SLC35F4: variants seen among roughly 807,000 people sequenced by gnomAD.
SLC35F4 encodes the protein solute carrier family 35 member F4, also known as chromosome 14 open reading frame 36.
A neutral mutation model predicts 44.2 loss-of-function variants in SLC35F4; 24 were observed. That is an observed-to-expected ratio of 0.54 (90% CI 0.39 to 0.76). The LOEUF (loss-of-function observed/expected upper bound fraction) is 0.76. SLC35F4 is among the 30% of genes least tolerant of loss of function. The pLI, the probability that SLC35F4 is intolerant of heterozygous loss-of-function variation, is 0.00. For synonymous variants in SLC35F4, 238 were observed against 223.6 expected, an observed-to-expected ratio of 1.06 and a Z score of -0.57; for missense variants, 562 against 586.1, an observed-to-expected ratio of 0.96 and a Z score of 0.42.
intron 1 of SLC35F4, among the ~76,000 whole-genome samples, chr14:57,876,178 A>C (rs565253979): frequency 6.6e-6 from 1 of 152,324 alleles, no homozygotes; most frequent in Admixed American, 6.5e-5. Flanking sequence ...TGGTACAATC[A>C]GACATAGAAC....
chr14:57,957,434 C>A (rs1224312200), intron 1 of SLC35F4, among the ~76,000 whole-genome samples: 19 of 148,152 alleles, frequency 1.3e-4, no homozygotes, highest in Admixed American at 2.0e-4. Context: ...ACTTAAAGTA[C>A]AAAAAAAAAA....
At chr14:57,960,485 A>G (rs966459374) in intron 1 of SLC35F4, among the ~76,000 whole-genome samples, 1 of 152,114 alleles carries the variant, frequency 6.6e-6, no homozygotes, top group African/African-American at 2.4e-5. Context: ...TATTCTGCTG[A>G]CCTCTACCTG....
intron 1 of SLC35F4, among the ~76,000 whole-genome samples, chr14:57,649,181 T>A (rs1425939053): frequency 6.6e-6 from 1 of 152,246 alleles, no homozygotes; most frequent in Non-Finnish European, 1.5e-5. Flanking sequence ...ACTCCCTTTA[T>A]TTGTGTGCTA....
At chr14:57,606,923 G>C (rs534985650) in intron 1 of SLC35F4, among the ~76,000 whole-genome samples, 2 of 152,318 alleles carry the variant, frequency 1.3e-5, no homozygotes, top group South Asian at 4.1e-4. Flanking sequence ...TAATTAATAA[G>C]TTATGGATGC....
intron 1 of SLC35F4, among the ~76,000 whole-genome samples, chr14:57,825,831 A>G (rs1389330971): frequency 6.6e-6 from 1 of 152,200 alleles, no homozygotes; most frequent in Non-Finnish European, 1.5e-5. Context: ...GACCTCTTCA[A>G]GGAGAACTAC....
chr14:57,689,886 T>TA (rs1369901433), intron 1 of SLC35F4, among the ~76,000 whole-genome samples: 1 of 151,882 alleles, frequency 6.6e-6, no homozygotes. Context: ...TAAAGTATAA[T>TA]AAAAAATAAA....
chr14:57,615,619 T>A (rs1263245926), intron 1 of SLC35F4, among the ~76,000 whole-genome samples: 1 of 151,836 alleles, frequency 6.6e-6, no homozygotes, highest in Non-Finnish European at 1.5e-5. Flanking sequence ...GACATTTTCT[T>A]TGAAAAAAAA....
intron 1 of SLC35F4, among the ~76,000 whole-genome samples, chr14:57,739,014 T>C (rs2076538901): frequency 1.3e-5 from 2 of 151,968 alleles, no homozygotes; most frequent in African/African-American, 2.4e-5. Flanking sequence ...GTTTCTTTTT[T>C]ATCCATTTGC....
intron 1 of SLC35F4, among the ~76,000 whole-genome samples, chr14:57,632,636 C>T (rs904031074): frequency 1.3e-5 from 2 of 152,070 alleles, no homozygotes; most frequent in African/African-American, 4.8e-5. Context: ...GATGAACCTA[C>T]ATGAACACTG....
intron 1 of SLC35F4, among the ~76,000 whole-genome samples, chr14:57,786,501 C>T (rs1946203986): frequency 6.6e-6 from 1 of 152,178 alleles, no homozygotes; most frequent in Admixed American, 6.5e-5. Flanking sequence ...GCTAAGAACC[C>T]TCACGGAGTC....
intron 1 of SLC35F4, among the ~76,000 whole-genome samples, chr14:57,783,453 G>A (rs1284215623): frequency 6.6e-6 from 1 of 152,130 alleles, no homozygotes; most frequent in Non-Finnish European, 1.5e-5. Flanking sequence ...GCGAGCACCA[G>A]GATTTAAGGC....
At chr14:57,659,587 A>G (rs1566735319) in intron 1 of SLC35F4, among the ~76,000 whole-genome samples, 2 of 152,188 alleles carry the variant, frequency 1.3e-5, no homozygotes, top group African/African-American at 2.4e-5. Flanking sequence ...AGGGTAAAGT[A>G]TCTTGTCCAA....
chr14:57,910,556 T>A (rs1889198141), intron 1 of SLC35F4, among the ~76,000 whole-genome samples: 1 of 152,090 alleles, frequency 6.6e-6, no homozygotes, highest in Admixed American at 6.5e-5. Context: ...TTGCGAAGAC[T>A]ATCTTTGCTC....
chr14:57,638,735 G>A (rs569325930), intron 1 of SLC35F4, among the ~76,000 whole-genome samples: 7 of 152,152 alleles, frequency 4.6e-5, no homozygotes, highest in South Asian at 2.1e-4. Flanking sequence ...GGTGGGTGGC[G>A]GGAACAGATG....
At chr14:57,633,009 C>CT (rs2072857749) in intron 1 of SLC35F4, among the ~76,000 whole-genome samples, 1 of 152,076 alleles carries the variant, frequency 6.6e-6, no homozygotes. Flanking sequence ...CTCAGATTGG[C>CT]TTTTTTCACT....
chr14:57,726,587 G>T (rs1474221891), intron 1 of SLC35F4, among the ~76,000 whole-genome samples: 1 of 152,058 alleles, frequency 6.6e-6, no homozygotes, highest in Non-Finnish European at 1.5e-5. Flanking sequence ...ATAGTATTTG[G>T]GTTGGTGATT....
intron 1 of SLC35F4, among the ~76,000 whole-genome samples, chr14:57,686,116 A>T (rs2075060121): frequency 6.6e-6 from 1 of 152,192 alleles, no homozygotes; most frequent in African/African-American, 2.4e-5. Flanking sequence ...AGTTCCAAAT[A>T]CATAATGTTT....
intron 1 of SLC35F4, among the ~76,000 whole-genome samples, chr14:57,610,424 C>A (rs764367394): frequency 6.6e-6 from 1 of 152,042 alleles, no homozygotes; most frequent in Admixed American, 6.6e-5. Context: ...CTGCTGACTG[C>A]GCGGGGTCTG....
intron 1 of SLC35F4, among the ~76,000 whole-genome samples, chr14:57,852,017 A>G (rs114653808): frequency 2.1e-4 from 32 of 152,360 alleles, no homozygotes; most frequent in African/African-American, 7.2e-4. Context: ...GGAGTGCCCA[A>G]GCATTGTTCT....
Sources: allele counts gnomAD v4.1 joint callset (sites outside exome capture counted in the v4.1 genomes callset), GRCh38; gene constraint gnomAD v4.1.1; transcripts MANE v1.5; gene names NCBI Gene and HGNC (gene_info 2026-07-23, HGNC 2026-07-21).